The following TEX14 variants were observed in gnomAD, a reference collection of about 807,000 sequenced individuals.
The protein encoded by TEX14 is inactive serine/threonine-protein kinase TEX14.
TEX14 carries 168 observed loss-of-function variants against 178.6 expected under a neutral mutation model. The ratio of observed to expected loss-of-function variants is 0.94; its 90% CI spans 0.83 to 1.07. The LOEUF (loss-of-function observed/expected upper bound fraction) is 1.07, where lower values mean the gene tolerates loss of function less well. Ranked by LOEUF, TEX14 falls within the 50% of genes least tolerant of loss-of-function variation. The probability of loss-of-function intolerance (pLI) is 0.00; values close to 1 mark genes in which losing one functional copy is unlikely to be tolerated. For missense variants in TEX14, 1,730 were observed against 1,753.6 expected (o/e 0.99, Z 0.24); for synonymous variants, 626 against 634.1 (o/e 0.99, Z 0.19).
intron 1 of TEX14, among the ~76,000 whole-genome samples, chr17:58,673,437 C>G (rs1399135411): frequency 6.6e-6 from 1 of 151,200 alleles, no homozygotes; most frequent in East Asian, 2.0e-4. Context: ...GAGCCGAGAT[C>G]ACGCCACTGC....
chr17:58,565,095 T>G, intron 27 of TEX14, 127 bp from the exon 28 acceptor site: 1 of 494,818 alleles, frequency 2.0e-6, no homozygotes, highest in South Asian at 3.4e-5. Flanking sequence ...TTAGCTCCCC[T>G]CTTCCCAGGA....
chr17:58,608,685 T>C (rs1241174958), intron 10 of TEX14, among the ~76,000 whole-genome samples: 1 of 152,246 alleles, frequency 6.6e-6, no homozygotes, highest in Non-Finnish European at 1.5e-5. Context: ...ATGACTGTGG[T>C]ACATTTGCGT....
chr17:58,562,925 A>C (rs2044301722), intron 28 of TEX14, among the ~76,000 whole-genome samples: 1 of 152,060 alleles, frequency 6.6e-6, no homozygotes, highest in Admixed American at 6.6e-5. Flanking sequence ...TACAAAAATT[A>C]TCCAGGCATG....
At chr17:58,629,901 C>T (rs1310224461) in intron 3 of TEX14, among the ~76,000 whole-genome samples, 16 of 118,278 alleles carry the variant, frequency 1.4e-4, no homozygotes, top group Non-Finnish European at 2.3e-4. Context: ...TTTCGTGTTT[C>T]GTGTTTTTTT....
intron 1 of TEX14, among the ~76,000 whole-genome samples, chr17:58,674,237 C>G (rs1378743619): frequency 6.6e-6 from 1 of 151,270 alleles, no homozygotes; most frequent in Non-Finnish European, 1.5e-5. Context: ...GATCGCACCA[C>G]TGCACTCCAG....
intron 3 of TEX14, among the ~76,000 whole-genome samples, chr17:58,625,197 A>G (rs572182212): frequency 6.6e-6 from 1 of 151,930 alleles, no homozygotes; most frequent in East Asian, 1.9e-4. Context: ...CAATGGTGCA[A>G]TCTCGACTCA....
intron 2 of TEX14, among the ~76,000 whole-genome samples, chr17:58,634,127 A>G (rs960176065): frequency 6.6e-5 from 10 of 151,688 alleles, no homozygotes; most frequent in Admixed American, 4.6e-4. Flanking sequence ...GTAAGAAGAA[A>G]TTGGGCTGGG....
Position 58,665,725 on chromosome 17 carries a change from T to TTC in TEX14, c.-1-13725_-1-13724dup, listed in dbSNP as rs1386425592. Among the ~76,000 whole-genome samples, 7 of 151,902 alleles carry TTC rather than the reference T, an allele frequency of 4.6e-5. No individual in the cohort carries two copies. In the East Asian group the frequency reaches 9.8e-4, roughly 21 times the overall value. ...GTAACAACCCTGCAACCCCAAAGCATTCTTAAGAACCAAAAGAAACAATGA... is the reference window on the plus strand; with the variant it reads ...GTAACAACCCTGCAACCCCAAAGCATTCTCTTAAGAACCAAAAGAAACAATGA... On this transcript the variant is annotated intron_variant, in intron 1 of 31. Coordinates refer to ENST00000349033, the MANE Select transcript of TEX14 (RefSeq NM_031272.5).
At chr17:58,575,067 CA>C (rs1435648315) in intron 21 of TEX14, among the ~76,000 whole-genome samples, 2 of 150,960 alleles carry the variant, frequency 1.3e-5, no homozygotes, top group Admixed American at 6.6e-5. Flanking sequence ...ACTCACTGAA[CA>C]TTAACTATAA....
Position 58,605,053 on chromosome 17 carries a change from C to G in TEX14, c.1261G>C (p.Val421Leu), listed in dbSNP as rs749026104. Residue 421 changes from valine to leucine, a missense_variant, in exon 11 of 32, where the codon GTG becomes CTG. Physicochemically the swap from Val to Leu is conservative, Grantham distance 32 (BLOSUM62 1). Around this residue, in one of 2 missense-constraint regions of TEX14, gnomAD observed 789 missense variants for 681.2 expected, o/e 1.16. Coordinates refer to ENST00000349033, the MANE Select transcript of TEX14 (RefSeq NM_031272.5). ...ACTGTGGCTGCCTTCTGTAAGATCA[C>G]TTCTGGTGCGGCCCAGTTGTATAGC... ...TQLYNWAAPE[V>L]ILQKAATVKS... 2 of 1,614,204 alleles carry G rather than the reference C, an allele frequency of 1.2e-6. No individual in the cohort carries two copies. The highest frequency in any genetic ancestry group is 2.2e-5 in the South Asian group (2 of 91,074).
chr17:58,613,451 G>C lies in TEX14; in HGVS notation c.975C>G (p.Ile325Met), dbSNP rs775100312. ...KTRLVYERIT[I>M]GTLFSVLHER... is the part of the protein sequence containing the mutation. ...CATGAAGGACACTGAACAATGTGCC[G>C]ATAGTGATGCGCTCGTACACAAGGC... is the stretch of plus-strand genomic sequence containing the variant. Residue 325 changes from isoleucine (I) to methionine (M), a missense_variant, in exon 9 of 32, where the codon ATC becomes ATG. This residue lies in a region of TEX14 where 789 missense variants were observed against 681.2 expected (regional missense o/e 1.16). Coordinates refer to ENST00000349033, the MANE Select transcript of TEX14 (RefSeq NM_031272.5). 99 of 1,614,124 alleles carry C rather than the reference G, an allele frequency of 6.1e-5. No homozygotes were observed. In the Admixed American group the frequency reaches 1.3e-3, roughly 22 times the overall value.
intron 24 of TEX14, among the ~76,000 whole-genome samples, chr17:58,571,285 G>T (rs1330441799): frequency 7.5e-5 from 11 of 147,272 alleles, no homozygotes; most frequent in Non-Finnish European, 3.0e-5. Flanking sequence ...GCCCAGGCTG[G>T]AGTGTAGTGG....
At chr17:58,584,287 A>G (rs1276181585) in intron 19 of TEX14, among the ~76,000 whole-genome samples, 1 of 152,220 alleles carries the variant, frequency 6.6e-6, no homozygotes, top group Non-Finnish European at 1.5e-5. Context: ...CCCAATCTCC[A>G]GGATACACAA....
At chr17:58,559,650 C>A in intron 29 of TEX14, 88 bp from the exon 30 acceptor site, 4 of 704,686 alleles carry the variant, frequency 5.7e-6, no homozygotes, top group Admixed American at 2.2e-5. Flanking sequence ...CAAACAACAA[C>A]AACAACAACA....
intron 1 of TEX14, among the ~76,000 whole-genome samples, chr17:58,682,264 T>C (rs917612467): frequency 9.6e-5 from 14 of 146,416 alleles, no homozygotes; most frequent in Middle Eastern, 3.8e-3. Flanking sequence ...GAGTCTTTCT[T>C]TTTTTTTTTT....
At chr17:58,579,325 G>A (rs1299456641) in intron 20 of TEX14, among the ~76,000 whole-genome samples, 1 of 152,202 alleles carries the variant, frequency 6.6e-6, no homozygotes, top group Non-Finnish European at 1.5e-5. Flanking sequence ...AATCCCCCAG[G>A]TCAGCTTAGC....
rs2045209890 is a variant in TEX14, at chr17:58,593,600, C to T, written c.2531G>A (p.Gly844Glu). ...NTDEQFQCTQ[G>E]AKDSLETSRI... ...GCTTGTTTCCAAACTGTCCTTGGCT[C>T]CTTGAGTGCACTGAAATTGTTCATC... Residue 844 changes from glycine (G) to glutamate (E), a missense_variant, in exon 15 of 32, where the codon GGA becomes GAA. Around this residue, in one of 2 missense-constraint regions of TEX14, gnomAD observed 941 missense variants for 1,072.4 expected, o/e 0.88. Transcript: ENST00000349033. The T allele has an allele frequency of 6.2e-7, 1 of 1,614,114 alleles. No homozygotes were observed. The highest frequency in any genetic ancestry group is 8.5e-7 in the Non-Finnish European group (1 of 1,179,996).
At chr17:58,621,891 GA>G in intron 4 of TEX14, 105 bp from the exon 5 acceptor site, 1 of 1,298,240 alleles carries the variant, frequency 7.7e-7, no homozygotes, top group Non-Finnish European at 1.0e-6. Flanking sequence ...GCCCCCAACA[GA>G]AAAACCTCTC....
intron 20 of TEX14, among the ~76,000 whole-genome samples, chr17:58,577,754 T>C (rs1292590373): frequency 6.6e-6 from 1 of 152,232 alleles, no homozygotes; most frequent in East Asian, 1.9e-4. Flanking sequence ...AGACAAATGT[T>C]GTTTTGTCTT....
Sources: allele counts gnomAD v4.1 joint callset (sites outside exome capture counted in the v4.1 genomes callset), GRCh38; gene constraint gnomAD v4.1.1; regional missense constraint gnomAD v4.1.1; transcripts MANE v1.5; gene names NCBI Gene and HGNC (gene_info 2026-07-23, HGNC 2026-07-21).